MSANTD2: variants seen among roughly 807,000 people sequenced by gnomAD.
The protein encoded by MSANTD2 is myb/SANT-like DNA-binding domain-containing protein 2.
A neutral mutation model predicts 52.6 loss-of-function variants in MSANTD2; 19 were observed. That is an observed-to-expected ratio of 0.36 (90% CI 0.25 to 0.53). The LOEUF (loss-of-function observed/expected upper bound fraction) is 0.53, where lower values mean the gene tolerates loss of function less well. Among genes scored for constraint, MSANTD2 ranks in the 20% least tolerant of loss-of-function variants. The pLI, the probability that MSANTD2 is intolerant of heterozygous loss-of-function variation, is 0.91. For synonymous variants in MSANTD2, 291 were observed against 289.7 expected (o/e 1.00, Z -0.04); for missense variants, 558 against 716.3 (o/e 0.78, Z 2.52).
At position 124,793,808 on chromosome 11, in the gene MSANTD2, T is replaced by TC. The variant is rs758060382; in HGVS notation, c.510+6062_510+6063insG. On this transcript the variant is annotated intron_variant, in intron 1 of 3. Coordinates refer to ENST00000374979, the MANE Select transcript of MSANTD2 (RefSeq NM_001308027.2). ...GGAATGGCAGGCCATTTTTTTTTTT[T>TC]ACTTTTATCAAGATTCCTCCTACAC... 4.5e-3 allele frequency among the ~76,000 whole-genome samples: 680 copies of TC among 150,404 alleles called. 4 individuals are homozygous for TC. Among genetic ancestry groups the TC allele is most frequent in the Middle Eastern group, 0.01 (3 of 292 alleles).
rs1293497514 is a variant in MSANTD2, at chr11:124,766,650, A to C, written c.*526T>G. 6.5e-6 allele frequency: 1 copy of C among 152,724 alleles called. No individual in the cohort carries two copies. Among genetic ancestry groups the C allele is most frequent in the African/African-American group, 2.4e-5 (1 of 41,448 alleles). 9.5% of individuals were successfully genotyped at this position (152,724 alleles called of 1,614,324 possible). On this transcript the variant is annotated 3_prime_UTR_variant, in exon 4 of 4. Coordinates refer to ENST00000374979, the MANE Select transcript of MSANTD2 (RefSeq NM_001308027.2). ...GCTGGTGAAAAAAATGAAAATCTAAATTATATACAATAGTAGCTAAGGGTG... is the reference window on the plus strand; with the variant it reads ...GCTGGTGAAAAAAATGAAAATCTAACTTATATACAATAGTAGCTAAGGGTG...
intron 1 of MSANTD2, among the ~76,000 whole-genome samples, chr11:124,788,753 C>T (rs1439821202): frequency 1.3e-5 from 2 of 152,064 alleles, no homozygotes; most frequent in African/African-American, 4.8e-5. Context: ...CTTGGTAGTA[C>T]AAACCTCAAT....
At chr11:124,775,074 A>C in intron 1 of MSANTD2, 100 bp from the exon 2 acceptor site, 1 of 1,029,190 alleles carries the variant, frequency 9.7e-7, no homozygotes, top group Non-Finnish European at 1.4e-6. Context: ...CAGACAGACA[A>C]ACATAGACAC....
Position 124,767,113 on chromosome 11 carries a change from G to A in MSANTD2, c.*63C>T, listed in dbSNP as rs1006278322. ...GCGGCATCTGGATGAGGGGTGGTCC[G>A]GGTAATGGGAAGTGAGTAGAGAAGA... On this transcript the variant is annotated 3_prime_UTR_variant, in exon 4 of 4. Transcript: ENST00000374979. The surrounding 1 kb of genome is among the most constrained non-coding windows in gnomAD (Gnocchi z 6.5). The A allele has an allele frequency of 4.4e-5, 65 of 1,494,062 alleles. No individual in the cohort carries two copies. In the African/African-American group the frequency reaches 4.9e-4, roughly 11 times the overall value. The allele number at this position is 1,494,062 out of a possible 1,614,324, so 92.6% of individuals were successfully genotyped here. A position where few individuals can be genotyped will look rare whatever the true frequency, so the allele number is the denominator to read the frequency against.
chr11:124,799,524 A>C (rs960275566), intron 1 of MSANTD2, among the ~76,000 whole-genome samples: 3 of 152,124 alleles, frequency 2.0e-5, no homozygotes, highest in Non-Finnish European at 2.9e-5. Flanking sequence ...GCCTGGAACA[A>C]AGCGAGGGGC....
At chr11:124,770,513 G>A (rs1178383384) in intron 3 of MSANTD2, among the ~76,000 whole-genome samples, 1 of 152,088 alleles carries the variant, frequency 6.6e-6, no homozygotes, top group Admixed American at 6.5e-5. Context: ...TGCCCAGACT[G>A]GTTTTTAATT....
rs1266584225 is a variant in MSANTD2, at chr11:124,773,001, C to T, written c.820G>A (p.Glu274Lys). The T allele has an allele frequency of 1.9e-6, 3 of 1,590,204 alleles. No homozygotes were observed. The highest frequency in any genetic ancestry group is 3.3e-5 in the Admixed American group (2 of 59,832). ...GGTGAAGCATCTACTTACTGTGCTT[C>T]TTCAGAAGACTCTTGTTTTATTTTT... ...TLKIKQESSE[E>K]AQKRDIMQNI... Residue 274 changes from glutamate to lysine, a missense_variant, in exon 3 of 4, where the codon GAA (glutamate) becomes AAA (lysine). By Grantham distance (56) the Glu-to-Lys change is moderately conservative. This residue lies in a region of MSANTD2 where 408 missense variants were observed against 573.6 expected (regional missense o/e 0.71). Coordinates refer to ENST00000374979, the MANE Select transcript of MSANTD2 (RefSeq NM_001308027.2).
intron 1 of MSANTD2, among the ~76,000 whole-genome samples, chr11:124,799,091 A>G (rs1186890495): frequency 6.6e-6 from 1 of 152,210 alleles, no homozygotes; most frequent in African/African-American, 2.4e-5. Context: ...TGAGAGTTCT[A>G]CTTGTCACCA....
At chr11:124,789,945 A>G (rs552797872) in intron 1 of MSANTD2, 1 of 152,402 alleles carries the variant, frequency 6.6e-6, no homozygotes, top group East Asian at 1.9e-4. Flanking sequence ...ATCCAATCAT[A>G]ACTGCAATCC....
rs1944662170 is a variant in MSANTD2, at chr11:124,774,486, C to A, written c.766+233G>T. On this transcript the variant is annotated intron_variant, in intron 2 of 3. Coordinates refer to ENST00000374979, the MANE Select transcript of MSANTD2 (RefSeq NM_001308027.2). The surrounding 1 kb of genome is among the most constrained non-coding windows in gnomAD (Gnocchi z 5.1). ...TAAACAACTTGCCAAATGAACAACA[C>A]CAAGCACCAGTTGGCAGTTTAAGGC... Among the ~76,000 whole-genome samples, 1 of 152,156 alleles carries A rather than the reference C, an allele frequency of 6.6e-6. No homozygotes were observed. The highest frequency in any genetic ancestry group is 1.5e-5 in the Non-Finnish European group (1 of 68,034).
intron 1 of MSANTD2, chr11:124,792,544 C>T (rs1210282338): frequency 6.6e-6 from 1 of 152,206 alleles, no homozygotes. Flanking sequence ...TTTGAGTCCA[C>T]CTTCACCCTT....
At chr11:124,791,827 T>C (rs950625789) in intron 1 of MSANTD2, 37 of 498,918 alleles carry the variant, frequency 7.4e-5, no homozygotes, top group African/African-American at 6.5e-4. Flanking sequence ...TTGTGTTAGG[T>C]GCATTCACTG....
rs1166266944 is a variant in MSANTD2, at chr11:124,767,028, T to C, written c.*148A>G. 4 of 792,656 alleles carry C rather than the reference T, an allele frequency of 5.0e-6. No individual in the cohort carries two copies. The African/African-American group carries it at 6.9e-5, about 14-fold the overall frequency. The allele number at this position is 792,656 out of a possible 1,614,324, so 49.1% of individuals were successfully genotyped here. A position where few individuals can be genotyped will look rare whatever the true frequency, so the allele number is the denominator to read the frequency against. On this transcript the variant is annotated 3_prime_UTR_variant, in exon 4 of 4. Coordinates refer to ENST00000374979, the MANE Select transcript of MSANTD2 (RefSeq NM_001308027.2). This position sits in a 1 kb window ranked among gnomAD's most constrained non-coding sequence, Gnocchi z 6.5. Reference sequence around the variant, plus strand: ...TGTTTTTTCTGGCCCAAGTCTACTATGATTCCTTAGAAGTCGTACTGGCCC... The same window carrying C: ...TGTTTTTTCTGGCCCAAGTCTACTACGATTCCTTAGAAGTCGTACTGGCCC...
chr11:124,774,434 C>A lies in MSANTD2; in HGVS notation c.766+285G>T, dbSNP rs1459851214. On this transcript the variant is annotated intron_variant, in intron 2 of 3. Transcript: ENST00000374979. This position sits in a 1 kb window ranked among gnomAD's most constrained non-coding sequence, Gnocchi z 5.1. ...CTTGTATAGCTCAGAATTAGAAATT[C>A]TTCTGTGTCTTTGGGAATCCTGCTG... 1.3e-5 allele frequency among the ~76,000 whole-genome samples: 2 copies of A among 152,154 alleles called. No homozygotes were observed. The highest frequency in any genetic ancestry group is 2.9e-5 in the Non-Finnish European group (2 of 68,030).
At chr11:124,772,391 T>C (rs1183764132) in intron 3 of MSANTD2, among the ~76,000 whole-genome samples, 1 of 152,144 alleles carries the variant, frequency 6.6e-6, no homozygotes, top group Non-Finnish European at 1.5e-5. Context: ...CTATACAAAA[T>C]TCTCAACATT....
intron 3 of MSANTD2, among the ~76,000 whole-genome samples, chr11:124,771,930 T>C (rs1944538789): frequency 2.0e-5 from 3 of 152,176 alleles, no homozygotes; most frequent in South Asian, 2.1e-4. Context: ...ATGAATGGCG[T>C]TCCTTACTTT....
intron 1 of MSANTD2, among the ~76,000 whole-genome samples, chr11:124,786,095 CT>C (rs200399771): frequency 0.24 from 27,688 of 114,072 alleles, 2,416 homozygotes; most frequent in South Asian, 0.31. Context: ...ATCATTTCTT[CT>C]TTTTTTTTTT....
rs551655907 is a variant in MSANTD2, at chr11:124,790,493, T to G, written c.510+9378A>C. The stretch of plus-strand genomic sequence containing the variant: ...AATTCTGGAAATTAAAATTCCCAGA[T>G]TCTTCGAAACAGGTCCTCGGTTTTG... On this transcript the variant is annotated intron_variant, in intron 1 of 3. Transcript: ENST00000374979. 1.1e-4 allele frequency: 17 copies of G among 152,378 alleles called. No homozygotes were observed. In the East Asian group the frequency reaches 3.1e-3, roughly 28 times the overall value. 9.4% of individuals were successfully genotyped at this position (152,378 alleles called of 1,614,324 possible).
Position 124,778,170 on chromosome 11 carries a change from G to A in MSANTD2, c.511-3196C>T, listed in dbSNP as rs776349483. 5.3e-5 allele frequency among the ~76,000 whole-genome samples: 8 copies of A among 152,100 alleles called. No individual in the cohort carries two copies. The East Asian group carries it at 5.8e-4, about 11-fold the overall frequency. On this transcript the variant is annotated intron_variant, in intron 1 of 3. Transcript: ENST00000374979. ...AGATTACAATAATGCTCAGAAAAACGAAGCCTCAATTCCCATTTCAGACAG... is the reference window on the plus strand; with the variant it reads ...AGATTACAATAATGCTCAGAAAAACAAAGCCTCAATTCCCATTTCAGACAG...
Sources: gnomAD v4.1 joint callset for allele counts (sites outside exome capture counted in the v4.1 genomes callset) on GRCh38, gnomAD v4.1.1 for gene constraint, gnomAD v4.1.1 regional missense constraint, Gnocchi (gnomAD v3.1) non-coding constraint, MANE v1.5 for transcripts, NCBI Gene and HGNC (gene_info 2026-07-23, HGNC 2026-07-21) for gene names.